The following ADCY10 variants were observed in gnomAD, a reference collection of about 807,000 sequenced individuals.
ADCY10 encodes adenylate cyclase type 10.
ADCY10 carries 156 observed loss-of-function variants against 183.3 expected under a neutral mutation model. The ratio of observed to expected loss-of-function variants is 0.85; its 90% confidence interval spans 0.75 to 0.97. The LOEUF is 0.97. ADCY10 is among the 50% of genes least tolerant of loss of function. The probability of loss-of-function intolerance (pLI) is 0.00; values close to 1 mark genes in which losing one functional copy is unlikely to be tolerated. For synonymous variants in ADCY10, 645 were observed against 670.0 expected, an observed-to-expected ratio of 0.96 and a Z score of 0.58; for missense variants, 1,745 against 1,934.3, an observed-to-expected ratio of 0.90 and a Z score of 1.84.
In ADCY10 at chr1:167,833,990, A is replaced by G. The variant is rs545691995; in HGVS notation, c.3397T>C (p.Phe1133Leu). Residue 1133 changes from phenylalanine to leucine, a missense_variant, in exon 24 of 33, where the codon TTT becomes CTT. Transcript: ENST00000367851. ...SWSQTFESAT[F>L]YSLKGEVCFN... ...CTTACCTCACCTTTGAGGCTGTAAA[A>G]GGTGGCAGACTCAAATGTCTGGCTC... 6.2e-7 allele frequency: 1 copy of G among 1,613,994 alleles called. No individual in the cohort carries two copies. The highest frequency in any genetic ancestry group is 8.5e-7 in the Non-Finnish European group (1 of 1,179,902).
At chr1:167,812,599 A>T (rs1041674588) in intron 31 of ADCY10, among the ~76,000 whole-genome samples, 1 of 152,214 alleles carries the variant, frequency 6.6e-6, no homozygotes, top group Non-Finnish European at 1.5e-5. Context: ...CAATAATAAC[A>T]ACAAAAAGGC....
chr1:167,854,531 T>A (rs1665747723), intron 17 of ADCY10, 42 bp from the exon 18 acceptor site: 4 of 1,611,998 alleles, frequency 2.5e-6, no homozygotes, highest in Non-Finnish European at 3.4e-6. Flanking sequence ...TGAAGATACA[T>A]CTTTTAGGAA....
chr1:167,888,014 C>T (rs553493596), intron 8 of ADCY10, among the ~76,000 whole-genome samples: 1 of 152,252 alleles, frequency 6.6e-6, no homozygotes, highest in East Asian at 1.9e-4. Flanking sequence ...ATCCAGTTTT[C>T]CCAGCACAAT....
In ADCY10 at chr1:167,856,438, A is replaced by C; in HGVS notation, c.1898T>G (p.Ile633Arg). The change falls in exon 17 of 33, where the codon ATA becomes AGA. Residue 633 changes from isoleucine (I) to arginine (R), a missense_variant and splice_region_variant. Physicochemically the swap from Ile to Arg is moderately conservative, Grantham distance 97. Coordinates refer to ENST00000367851, the MANE Select transcript of ADCY10 (RefSeq NM_018417.6). ...AAAAATAATCCTTTCCTCTTTCACTATCTGGACAAGATGCAGAAAGAGAAA... is the reference window on the plus strand; with the variant it reads ...AAAAATAATCCTTTCCTCTTTCACTCTCTGGACAAGATGCAGAAAGAGAAA... ...EILFMKILKL[I>R]VKEERIIFII... 6.2e-7 allele frequency: 1 copy of C among 1,614,144 alleles called. No homozygotes were observed. The highest frequency in any genetic ancestry group is 1.1e-5 in the South Asian group (1 of 91,076).
At chr1:167,902,491 C>T (rs150071990) in intron 3 of ADCY10, among the ~76,000 whole-genome samples, 1 of 152,340 alleles carries the variant, frequency 6.6e-6, no homozygotes, top group Non-Finnish European at 1.5e-5. Flanking sequence ...ACCATAGTCA[C>T]TTGCATTTTT....
intron 12 of ADCY10, 97 bp from the exon 13 acceptor site, chr1:167,875,283 C>CAA: frequency 8.2e-7 from 1 of 1,215,618 alleles, no homozygotes; most frequent in Non-Finnish European, 1.2e-6. Context: ...GTTTCCTTCT[C>CAA]AATTGCTAAC....
At chr1:167,903,103 C>T (rs1049340465) in intron 3 of ADCY10, among the ~76,000 whole-genome samples, 2 of 150,664 alleles carry the variant, frequency 1.3e-5, no homozygotes, top group African/African-American at 2.5e-5. Context: ...GAAAAAAATA[C>T]AAAATTGCTG....
At chr1:167,829,076 A>G (rs1371748533) in intron 26 of ADCY10, among the ~76,000 whole-genome samples, 191 bp downstream of exon 26, 2 of 152,250 alleles carry the variant, frequency 1.3e-5, no homozygotes, top group Non-Finnish European at 2.9e-5. Context: ...GGGATCTTCA[A>G]TAATTTTTAA....
intron 1 of ADCY10, among the ~76,000 whole-genome samples, chr1:167,908,769 T>C (rs938552210): frequency 1.3e-5 from 2 of 152,222 alleles, no homozygotes; most frequent in Non-Finnish European, 2.9e-5. Context: ...TTTTAATACA[T>C]CTTAATCAAC....
In ADCY10 at chr1:167,848,452, A is replaced by G; in HGVS notation, c.2346T>C (p.Val782=). 1 of 1,612,864 alleles carries G rather than the reference A, an allele frequency of 6.2e-7. No homozygotes were observed. The highest frequency in any genetic ancestry group is 8.5e-7 in the Non-Finnish European group (1 of 1,178,880). Residue 782 remains valine, a synonymous_variant, in exon 19 of 33, where the codon GTT becomes GTC. Coordinates refer to ENST00000367851, the MANE Select transcript of ADCY10 (RefSeq NM_018417.6). ...CACTTTCCTTATCACTATGGAGAGT[A>G]ACCATGTTTAACTTCTCTGTTAGCT... ...SIKLTEKLNM[V]TLHSDKESEE... is the part of the protein sequence containing the mutation.
rs1668781364 is a variant in ADCY10 at position 167,893,940 on chromosome 1, G to T, written c.741C>A (p.Asn247Lys). The T allele has an allele frequency of 6.2e-7, 1 of 1,612,316 alleles. No homozygotes were observed. Among genetic ancestry groups the T allele is most frequent in the African/African-American group, 1.3e-5 (1 of 74,860 alleles). Residue 247 changes from asparagine to lysine, a missense_variant and splice_region_variant, in exon 8 of 33, where the codon AAC becomes AAA. Coordinates refer to ENST00000367851, the MANE Select transcript of ADCY10 (RefSeq NM_018417.6). ...TCAGCGTGCATGCAAGCCTCAGGAG[G>T]TCTAAGAAGGCAGAAGGAGGGTGCA... ...MHYYPSGEHK[N>K]LLRLACTLKP...
At chr1:167,893,152 T>C (rs1668716069) in intron 8 of ADCY10, among the ~76,000 whole-genome samples, 1 of 152,186 alleles carries the variant, frequency 6.6e-6, no homozygotes, top group Non-Finnish European at 1.5e-5. Flanking sequence ...ATTACCTGCA[T>C]TGTTAAATCT....
Position 167,904,908 on chromosome 1 carries a change from C to CTA in ADCY10, c.148+83_148+84dup, listed in dbSNP as rs775185275. 4.0e-5 allele frequency: 63 copies of CTA among 1,593,820 alleles called. No homozygotes were observed. The South Asian group carries it at 6.6e-4, about 17-fold the overall frequency. ...GCCCAAGGGCTCCAGAATGGCCTCC[C>CTA]TACTCTGCAATCAAGCTCTGCATGT... On this transcript the variant is annotated intron_variant, in intron 2 of 32. Coordinates refer to ENST00000367851, the MANE Select transcript of ADCY10 (RefSeq NM_018417.6).
At chr1:167,851,823 A>G (rs1163886010) in intron 18 of ADCY10, among the ~76,000 whole-genome samples, 1 of 152,124 alleles carries the variant, frequency 6.6e-6, no homozygotes, top group Non-Finnish European at 1.5e-5. Context: ...TCAAAAAAAA[A>G]AAAAAAGAAA....
chr1:167,882,532 G>T (rs1156433904), intron 9 of ADCY10, among the ~76,000 whole-genome samples: 2 of 150,656 alleles, frequency 1.3e-5, no homozygotes, highest in Non-Finnish European at 3.0e-5. Context: ...CTGGGAGCCA[G>T]AGGCAGTCCC....
intron 22 of ADCY10, among the ~76,000 whole-genome samples, chr1:167,836,867 T>C (rs1664244164): frequency 6.6e-6 from 1 of 151,988 alleles, no homozygotes; most frequent in South Asian, 2.1e-4. Context: ...CTACTAAAAA[T>C]ACAAAAAATT....
chr1:167,903,844 G>C (rs776474893), intron 3 of ADCY10, 43 bp downstream of exon 3: 1 of 1,406,766 alleles, frequency 7.1e-7, no homozygotes, highest in Non-Finnish European at 1.0e-6. Context: ...AAAAAACAAT[G>C]AATTGAAATA....
intron 21 of ADCY10, among the ~76,000 whole-genome samples, chr1:167,841,504 T>A (rs554139887): frequency 1.0e-4 from 14 of 140,510 alleles, no homozygotes; most frequent in African/African-American, 3.2e-4. Context: ...ATGCTTTCCT[T>A]TTTTTTTTTT....
At chr1:167,837,449 T>G (rs1664304528) in intron 21 of ADCY10, 131 bp from the exon 22 acceptor site, 3 of 758,034 alleles carry the variant, frequency 4.0e-6, no homozygotes, top group Non-Finnish European at 2.3e-6. Flanking sequence ...CATTGCCTAG[T>G]CCCCATTGTA....
Sources: allele counts gnomAD v4.1 joint callset (sites outside exome capture counted in the v4.1 genomes callset), GRCh38; gene constraint gnomAD v4.1.1; transcripts MANE v1.5; gene names NCBI Gene and HGNC (gene_info 2026-07-23, HGNC 2026-07-21).